The following JHY variants were observed in gnomAD, a reference collection of about 807,000 sequenced individuals.
JHY encodes jhy protein homolog.
JHY carries 69 observed loss-of-function variants against 78.0 expected under a neutral mutation model. That is an observed-to-expected ratio of 0.88 (90% CI 0.73 to 1.08). The LOEUF (loss-of-function observed/expected upper bound fraction) is 1.08, where lower values mean the gene tolerates loss of function less well. JHY is among the 50% of genes least tolerant of loss of function. The probability of loss-of-function intolerance (pLI) is 0.00; values close to 1 mark genes in which losing one functional copy is unlikely to be tolerated. For synonymous variants in JHY, 368 were observed against 342.6 expected, an observed-to-expected ratio of 1.07 and a Z score of -0.82; for missense variants, 944 against 927.8, an observed-to-expected ratio of 1.02 and a Z score of -0.23.
intron 2 of JHY, among the ~76,000 whole-genome samples, chr11:122,902,660 G>A (rs1862886586): frequency 6.6e-6 from 1 of 152,140 alleles, no homozygotes; most frequent in Non-Finnish European, 1.5e-5. Context: ...CATGGCAAAG[G>A]CAAAGGGGGA....
intron 4 of JHY, among the ~76,000 whole-genome samples, chr11:122,931,123 A>C (rs1404161658): frequency 6.6e-6 from 1 of 152,196 alleles, no homozygotes; most frequent in Non-Finnish European, 1.5e-5. Context: ...CCACCTTTAA[A>C]TAGCATTACC....
rs994533646 is a variant in JHY at position 122,905,367 on chromosome 11, A to C, written c.864+923A>C. The stretch of plus-strand genomic sequence containing the variant: ...TACTGGAAAGAGCTTGAGATTTATC[A>C]CCTGCTAATGTGAGGTCATTTTCAA... On this transcript the variant is annotated intron_variant, in intron 3 of 8. Coordinates refer to ENST00000227349, the MANE Select transcript of JHY (RefSeq NM_024806.4). 2.6e-6 allele frequency: 4 copies of C among 1,520,104 alleles called. No individual in the cohort carries two copies. In the East Asian group the frequency reaches 9.1e-5, roughly 35 times the overall value. The allele number at this position is 1,520,104 out of a possible 1,614,324, so 94.2% of individuals were successfully genotyped here.
In JHY at chr11:122,915,930, A is replaced by G. The variant is rs1181534931; in HGVS notation, c.865-8967A>G. On this transcript the variant is annotated intron_variant, in intron 3 of 8. Transcript: ENST00000227349. ...CTAAGTAGAAAGCTGTCAGTACAGA[A>G]AGAACTTCTATACTGCTGGTCAAGA... Among the ~76,000 whole-genome samples the G allele has an allele frequency of 3.3e-5, 5 of 152,148 alleles. No individual in the cohort carries two copies. The East Asian group carries it at 7.7e-4, about 23-fold the overall frequency.
chr11:122,902,942 GT>G (rs564097088), intron 2 of JHY, among the ~76,000 whole-genome samples: 127 of 152,256 alleles, frequency 8.3e-4, no homozygotes, highest in South Asian at 3.1e-3. Flanking sequence ...CAGTAACATA[GT>G]TGTTGATTAT....
intron 3 of JHY, among the ~76,000 whole-genome samples, chr11:122,906,273 G>A (rs117743007): frequency 0.027 from 4,094 of 152,118 alleles, 158 homozygotes; most frequent in South Asian, 0.16. Flanking sequence ...CTATAACCTC[G>A]ACCTCCTGGG....
rs1373933461 is a variant in JHY at position 122,898,604 on chromosome 11, CT to C, written c.345-5320del. Among the ~76,000 whole-genome samples the C allele has an allele frequency of 1.3e-5, 2 of 152,178 alleles. No homozygotes were observed. Among genetic ancestry groups the C allele is most frequent in the African/African-American group, 4.8e-5 (2 of 41,462 alleles). On this transcript the variant is annotated intron_variant, in intron 2 of 8. Transcript: ENST00000227349. This position sits in a 1 kb window ranked among gnomAD's most constrained non-coding sequence, Gnocchi z 4.4. The stretch of plus-strand genomic sequence containing the variant: ...GAACAGTGATCCCCAGTGTTGTCAC[CT>C]GTGAAAGGTGGCCAGCCCTGCTCTA...
At position 122,917,711 on chromosome 11, in the gene JHY, G is replaced by A. The variant is rs1384110986; in HGVS notation, c.865-7186G>A. Reference sequence around the variant, plus strand: ...TTTCAGTGCAATGTGTGAGCTTTGTGATTTTTTTGTTTTTATCTCTAATGT... The same window carrying A: ...TTTCAGTGCAATGTGTGAGCTTTGTAATTTTTTTGTTTTTATCTCTAATGT... On this transcript the variant is annotated intron_variant, in intron 3 of 8. Coordinates refer to ENST00000227349, the MANE Select transcript of JHY (RefSeq NM_024806.4). The surrounding 1 kb of genome is among the most constrained non-coding windows in gnomAD (Gnocchi z 4.1). 6.6e-6 allele frequency among the ~76,000 whole-genome samples: 1 copy of A among 152,118 alleles called. No homozygotes were observed. The highest frequency in any genetic ancestry group is 1.5e-5 in the Non-Finnish European group (1 of 68,008).
At chr11:122,919,808 G>A (rs1361952562) in intron 3 of JHY, among the ~76,000 whole-genome samples, 4 of 151,984 alleles carry the variant, frequency 2.6e-5, no homozygotes, top group South Asian at 4.1e-4. Context: ...GCGAAACCCC[G>A]TCTATACTAA....
Position 122,934,412 on chromosome 11 carries a change from C to A in JHY, c.979-8C>A, listed in dbSNP as rs766338423. ...CTAATTTTACATTAACCAAAAATAT[C>A]TCTTTAGAATTACCAGGAACACTGG... is the stretch of plus-strand genomic sequence containing the variant. On this transcript the variant is annotated splice_region_variant and splice_polypyrimidine_tract_variant and intron_variant, in intron 4 of 8. Transcript: ENST00000227349. 1.3e-6 allele frequency: 2 copies of A among 1,512,088 alleles called. No homozygotes were observed. The highest frequency in any genetic ancestry group is 8.9e-7 in the Non-Finnish European group (1 of 1,124,950). 93.7% of individuals were successfully genotyped at this position (1,512,088 alleles called of 1,614,324 possible). A position where few individuals can be genotyped will look rare whatever the true frequency, so the allele number is the denominator to read the frequency against.
chr11:122,919,727 C>T (rs1007348557), intron 3 of JHY, among the ~76,000 whole-genome samples: 1 of 152,082 alleles, frequency 6.6e-6, no homozygotes, highest in Non-Finnish European at 1.5e-5. Flanking sequence ...GCCTGTAATC[C>T]CAGCACTTTG....
intron 8 of JHY, 89 bp downstream of exon 8, chr11:122,957,580 CCA>C (rs1030730631): frequency 1.6e-6 from 2 of 1,250,590 alleles, no homozygotes; most frequent in Non-Finnish European, 2.1e-6. Context: ...TTTTAATTAG[CCA>C]CAGAGTCTTG....
chr11:122,961,003 C>A lies in JHY; in HGVS notation c.*1558C>A. On this transcript the variant is annotated 3_prime_UTR_variant, in exon 9 of 9. Coordinates refer to ENST00000227349, the MANE Select transcript of JHY (RefSeq NM_024806.4). ...ATAAATTGGGTGCAGAGCATCTCTG[C>A]ACAACAGGAAAAGGAGACAATTGCC... is the stretch of plus-strand genomic sequence containing the variant. The A allele has an allele frequency of 2.1e-6, 2 of 961,232 alleles. No homozygotes were observed. Among genetic ancestry groups the A allele is most frequent in the Non-Finnish European group, 3.3e-6 (2 of 598,040 alleles). 59.5% of individuals were successfully genotyped at this position (961,232 alleles called of 1,614,324 possible).
Position 122,957,357 on chromosome 11 carries a change from G to A in JHY, c.2011-6G>A, listed in dbSNP as rs374667696. ...GGATTCATCATAACTTTGTTTCTCT[G>A]AACAGACGCAAAAATTAATACAGCA... On this transcript the variant is annotated splice_region_variant and splice_polypyrimidine_tract_variant and intron_variant, in intron 7 of 8. Transcript: ENST00000227349. The A allele has an allele frequency of 1.3e-6, 2 of 1,522,984 alleles. No homozygotes were observed. The highest frequency in any genetic ancestry group is 8.7e-7 in the Non-Finnish European group (1 of 1,148,608). 94.3% of individuals were successfully genotyped at this position (1,522,984 alleles called of 1,614,324 possible).
chr11:122,935,317 C>T lies in JHY; in HGVS notation c.1634+242C>T, dbSNP rs1456552128. Among the ~76,000 whole-genome samples the T allele has an allele frequency of 6.6e-6, 1 of 151,872 alleles. No individual in the cohort carries two copies. The highest frequency in any genetic ancestry group is 1.5e-5 in the Non-Finnish European group (1 of 67,992). On this transcript the variant is annotated intron_variant, in intron 5 of 8. Coordinates refer to ENST00000227349, the MANE Select transcript of JHY (RefSeq NM_024806.4). This position sits in a 1 kb window ranked among gnomAD's most constrained non-coding sequence, Gnocchi z 4.5. ...TGGTGCCATCTTGGCTCATTGCAAC[C>T]TCCGCCTCCCGAGCTCAAGCAATTC...
At chr11:122,910,332 G>A (rs1164743281) in intron 3 of JHY, among the ~76,000 whole-genome samples, 6 of 151,898 alleles carry the variant, frequency 4.0e-5, no homozygotes, top group Middle Eastern at 3.2e-3. Context: ...AAAATTAGCC[G>A]GGCATCGTGA....
intron 3 of JHY, among the ~76,000 whole-genome samples, chr11:122,908,254 C>T (rs938827734): frequency 2.6e-5 from 4 of 152,158 alleles, no homozygotes; most frequent in African/African-American, 9.7e-5. Context: ...GACCTCATCC[C>T]CCCAAATTTC....
chr11:122,929,072 C>T (rs1863580181), intron 4 of JHY, among the ~76,000 whole-genome samples: 1 of 152,084 alleles, frequency 6.6e-6, no homozygotes, highest in Non-Finnish European at 1.5e-5. Context: ...GGATTACAGG[C>T]ATGTGCCACC....
intron 6 of JHY, among the ~76,000 whole-genome samples, chr11:122,952,751 A>C (rs1864115323): frequency 6.6e-6 from 1 of 152,216 alleles, no homozygotes; most frequent in African/African-American, 2.4e-5. Context: ...GTGATTTGTG[A>C]GCACTGATCA....
intron 2 of JHY, among the ~76,000 whole-genome samples, chr11:122,891,089 C>G (rs964392709): frequency 6.6e-6 from 1 of 152,172 alleles, no homozygotes; most frequent in African/African-American, 2.4e-5. Flanking sequence ...AAATTGATCT[C>G]AGACTCTCAA....
Sources: allele counts gnomAD v4.1 joint callset (sites outside exome capture counted in the v4.1 genomes callset), GRCh38; gene constraint gnomAD v4.1.1; non-coding constraint Gnocchi (gnomAD v3.1); transcripts MANE v1.5; gene names NCBI Gene and HGNC (gene_info 2026-07-23, HGNC 2026-07-21).